GREB1L: variants seen among roughly 807,000 people sequenced by gnomAD.
GREB1L encodes GREB1 like retinoic acid receptor coactivator.
Under a neutral mutation model 200.8 loss-of-function variants are expected in GREB1L, and 17 were observed. The ratio of observed to expected loss-of-function variants is 0.08; its 90% confidence interval spans 0.06 to 0.13. GREB1L has a LOEUF of 0.13. GREB1L is among the 10% of genes least tolerant of loss of function. The probability of loss-of-function intolerance (pLI) is 1.00; values close to 1 mark genes in which losing one functional copy is unlikely to be tolerated. For missense variants in GREB1L, 1,657 were observed against 2,367.7 expected (o/e 0.70, Z 6.23); for synonymous variants, 789 against 893.0 (o/e 0.88, Z 2.08).
At chr18:21,421,351 G>T (rs1437598823) in intron 7 of GREB1L, among the ~76,000 whole-genome samples, 2 of 152,210 alleles carry the variant, frequency 1.3e-5, no homozygotes, top group Admixed American at 1.3e-4. Flanking sequence ...ATGAGTTTTA[G>T]AGGGGAAATA....
At chr18:21,433,319 T>G (rs549712550) in intron 7 of GREB1L, among the ~76,000 whole-genome samples, 6 of 152,332 alleles carry the variant, frequency 3.9e-5, no homozygotes, top group Non-Finnish European at 7.3e-5. Context: ...TCTGTACCAA[T>G]TTGAATTCAT....
intron 1 of GREB1L, among the ~76,000 whole-genome samples, chr18:21,288,690 G>T (rs1308184991): frequency 6.6e-6 from 1 of 151,916 alleles, no homozygotes; most frequent in East Asian, 1.9e-4. Flanking sequence ...TTTACAAAAA[G>T]CAGGGAATTG....
chr18:21,256,876 A>G (rs1211120229), intron 1 of GREB1L, among the ~76,000 whole-genome samples: 1 of 151,890 alleles, frequency 6.6e-6, no homozygotes, highest in Non-Finnish European at 1.5e-5. Context: ...TTGTTGGTAC[A>G]CGCCTATAAT....
At chr18:21,386,770 G>T (rs2040560230) in intron 4 of GREB1L, among the ~76,000 whole-genome samples, 1 of 152,076 alleles carries the variant, frequency 6.6e-6, no homozygotes, top group Non-Finnish European at 1.5e-5. Flanking sequence ...CTCCCAAAGT[G>T]CTAGGATTAC....
At chr18:21,512,551 A>G (rs1202386267) in intron 27 of GREB1L, among the ~76,000 whole-genome samples, 2 of 152,164 alleles carry the variant, frequency 1.3e-5, no homozygotes, top group Non-Finnish European at 2.9e-5. Flanking sequence ...TATTCATTCT[A>G]AAGGGGATTT....
chr18:21,495,518 A>G (rs2036511363), intron 19 of GREB1L, among the ~76,000 whole-genome samples, 152 bp from the exon 20 acceptor site: 1 of 152,252 alleles, frequency 6.6e-6, no homozygotes, highest in Non-Finnish European at 1.5e-5. Context: ...GCGATGTAGT[A>G]GCAGTTAAAA....
At chr18:21,258,465 TC>T (rs2037836168) in intron 1 of GREB1L, among the ~76,000 whole-genome samples, 1 of 152,196 alleles carries the variant, frequency 6.6e-6, no homozygotes, top group African/African-American at 2.4e-5. Context: ...TTAGCTTTCT[TC>T]CATGGCTATG....
In GREB1L at chr18:21,434,485, G is replaced by GTATATATATATATATA. The variant is rs759371210; in HGVS notation, c.833-5021_833-5020insATATATATATATATAT. On this transcript the variant is annotated intron_variant, in intron 7 of 32. Coordinates refer to ENST00000424526, the MANE Select transcript of GREB1L (RefSeq NM_001142966.3). Reference sequence around the variant, plus strand: ...AGTGAGAATCCATCTAAAAAAAATAGTATATATATATATATGTGTGTGTGT... The same window carrying GTATATATATATATATA: ...AGTGAGAATCCATCTAAAAAAAATAGTATATATATATATATATATATATATATATATGTGTGTGTGT... Among the ~76,000 whole-genome samples, 171 of 107,746 alleles carry GTATATATATATATATA rather than the reference G, an allele frequency of 1.6e-3. 1 individual carries two copies. Among genetic ancestry groups the GTATATATATATATATA allele is most frequent in the African/African-American group, 7.2e-3 (163 of 22,748 alleles). The allele number at this position is 107,746 out of a possible 152,430, so 70.7% of individuals were successfully genotyped here.
rs145853064 is a variant in GREB1L, at chr18:21,388,241, T to C, written c.355+3838T>C. Among the ~76,000 whole-genome samples, 108 of 152,290 alleles carry C rather than the reference T, an allele frequency of 7.1e-4. 3 individuals are homozygous for C. The East Asian group carries it at 0.018, about 25-fold the overall frequency. ...TGGCAAATAGCTACATGGTAAAAGA[T>C]AAAATAGAACTATTTTATTTTATTT... On this transcript the variant is annotated intron_variant, in intron 4 of 32. Coordinates refer to ENST00000424526, the MANE Select transcript of GREB1L (RefSeq NM_001142966.3).
intron 28 of GREB1L, among the ~76,000 whole-genome samples, chr18:21,515,128 C>T (rs1047579108): frequency 3.3e-5 from 5 of 152,166 alleles, no homozygotes; most frequent in African/African-American, 1.2e-4. Context: ...TTCCAACCTC[C>T]GGCTACCTCT....
intron 1 of GREB1L, among the ~76,000 whole-genome samples, chr18:21,249,698 A>G (rs1248004952): frequency 1.3e-5 from 2 of 151,950 alleles, no homozygotes; most frequent in Non-Finnish European, 2.9e-5. Context: ...CTACTAAAAA[A>G]AAAAATACAA....
intron 1 of GREB1L, among the ~76,000 whole-genome samples, chr18:21,344,421 C>CAAA (rs2039314765): frequency 6.6e-6 from 1 of 152,020 alleles, no homozygotes; most frequent in Non-Finnish European, 1.5e-5. Flanking sequence ...ACAACAACAA[C>CAAA]AACAACAACA....
chr18:21,520,751 T>C lies in GREB1L; in HGVS notation c.5536T>C (p.Phe1846Leu). The change falls in exon 32 of 33, where the codon TTC becomes CTC. Residue 1846 changes from phenylalanine to leucine, a missense_variant. By Grantham distance (22) the Phe-to-Leu change is conservative. Coordinates refer to ENST00000424526, the MANE Select transcript of GREB1L (RefSeq NM_001142966.3). ...CAATGTCAACTGTGAAGGGGTGTTT[T>C]TCAGTGGACTCCTTTTGTACCTCTG... ...SSNVNCEGVFFSGLLLYLCDS... is the reference protein window; with the variant it reads ...SSNVNCEGVFLSGLLLYLCDS... 6.5e-7 allele frequency: 1 copy of C among 1,549,870 alleles called. No individual in the cohort carries two copies.
At chr18:21,470,260 G>A (rs1404600278) in intron 15 of GREB1L, among the ~76,000 whole-genome samples, 2 of 152,128 alleles carry the variant, frequency 1.3e-5, no homozygotes, top group African/African-American at 2.4e-5. Flanking sequence ...TGCACTCAGC[G>A]TGGGTGACAG....
chr18:21,250,586 C>T (rs1410091059), intron 1 of GREB1L, among the ~76,000 whole-genome samples: 3 of 152,176 alleles, frequency 2.0e-5, no homozygotes, highest in Admixed American at 1.3e-4. Context: ...GTCACCTCTG[C>T]CTGTATAGGT....
chr18:21,280,770 T>C (rs1285393650), intron 1 of GREB1L, among the ~76,000 whole-genome samples: 1 of 152,200 alleles, frequency 6.6e-6, no homozygotes, highest in Admixed American at 6.5e-5. Context: ...ATTCTGGTTG[T>C]CTGCTCTTAT....
intron 7 of GREB1L, among the ~76,000 whole-genome samples, chr18:21,409,412 C>G (rs1196060546): frequency 1.3e-5 from 2 of 152,036 alleles, no homozygotes. Flanking sequence ...TGTGAGCATT[C>G]TTATTAAGGG....
At chr18:21,289,340 G>A (rs7244121) in intron 1 of GREB1L, among the ~76,000 whole-genome samples, 3,402 of 151,974 alleles carry the variant, frequency 0.022, 134 homozygotes, top group African/African-American at 0.079. Context: ...ACTTGAGCCC[G>A]GGAGTTTGAG....
At chr18:21,371,863 A>G (rs1474145929) in intron 2 of GREB1L, among the ~76,000 whole-genome samples, 1 of 152,016 alleles carries the variant, frequency 6.6e-6, no homozygotes, top group Non-Finnish European at 1.5e-5. Flanking sequence ...TATTCTAAAA[A>G]CTTATTACTG....
Sources: gnomAD v4.1 joint callset for allele counts (sites outside exome capture counted in the v4.1 genomes callset) on GRCh38, gnomAD v4.1.1 for gene constraint, MANE v1.5 for transcripts, NCBI Gene and HGNC (gene_info 2026-07-23, HGNC 2026-07-21) for gene names.